SLC25A48: variants seen among roughly 807,000 people sequenced by gnomAD.
The protein encoded by SLC25A48 is CTC-321K16.1.
In SLC25A48, 29 loss-of-function variants were observed where a neutral mutation model predicts 32.2. That is an observed-to-expected ratio of 0.90 (90% CI 0.67 to 1.23). SLC25A48 has a LOEUF of 1.23. SLC25A48 is among the 50% of genes most tolerant of loss of function. The probability of loss-of-function intolerance (pLI) is 0.00; values close to 1 mark genes in which losing one functional copy is unlikely to be tolerated. For synonymous variants in SLC25A48, 164 were observed against 172.3 expected, an observed-to-expected ratio of 0.95 and a Z score of 0.38; for missense variants, 399 against 422.7, an observed-to-expected ratio of 0.94 and a Z score of 0.49.
chr5:135,714,614 T>C (rs930121372), intron 3 of SLC25A48: 1 of 152,234 alleles, frequency 6.6e-6, no homozygotes, highest in African/African-American at 2.4e-5. Flanking sequence ...GTGCCCTGGC[T>C]GCAAAAAGCA....
intron 3 of SLC25A48, chr5:135,742,448 G>A (rs1755521909): frequency 6.5e-7 from 1 of 1,530,770 alleles, no homozygotes; most frequent in African/African-American, 1.4e-5. Flanking sequence ...TGGTTCCTGA[G>A]GTCTCACCTG....
intron 1 of SLC25A48, among the ~76,000 whole-genome samples, chr5:135,613,016 G>C (rs1345542629): frequency 6.6e-6 from 1 of 152,134 alleles, no homozygotes; most frequent in Non-Finnish European, 1.5e-5. Flanking sequence ...TATAGTGCCT[G>C]TACTAACTAA....
rs1052215866 is a variant in SLC25A48 at position 135,850,573 on chromosome 5, C to T, written c.162+77C>T. 69 of 1,413,412 alleles carry T rather than the reference C, an allele frequency of 4.9e-5. No individual in the cohort carries two copies. The East Asian group carries it at 1.6e-3, about 32-fold the overall frequency. 87.6% of individuals were successfully genotyped at this position (1,413,412 alleles called of 1,614,324 possible). ...TGGGGACCAGGGCCACAGCCCCACACCAGCATGCAGGTGGGGGCCTCTCAT... is the reference window on the plus strand; with the variant it reads ...TGGGGACCAGGGCCACAGCCCCACATCAGCATGCAGGTGGGGGCCTCTCAT... On this transcript the variant is annotated intron_variant, in intron 3 of 7. Coordinates refer to ENST00000681962, the MANE Select transcript of SLC25A48 (RefSeq NM_001349336.2).
At chr5:135,870,835 C>T (rs1225415741) in intron 4 of SLC25A48, among the ~76,000 whole-genome samples, 1 of 151,676 alleles carries the variant, frequency 6.6e-6, no homozygotes, top group Non-Finnish European at 1.5e-5. Context: ...GAAAATGCTG[C>T]CTTGCCAAGG....
At chr5:135,692,224 G>A (rs947624598) in intron 3 of SLC25A48, among the ~76,000 whole-genome samples, 4 of 151,548 alleles carry the variant, frequency 2.6e-5, no homozygotes, top group South Asian at 2.1e-4. Flanking sequence ...AGGCTGAGGC[G>A]GGAGAATTGC....
intron 3 of SLC25A48, among the ~76,000 whole-genome samples, chr5:135,777,061 C>T (rs1221451663): frequency 6.6e-6 from 1 of 151,522 alleles, no homozygotes; most frequent in African/African-American, 2.4e-5. Flanking sequence ...ATATTACTCC[C>T]AATATCGCAG....
At chr5:135,815,089 A>G (rs1321275370) in intron 4 of SLC25A48, among the ~76,000 whole-genome samples, 5 of 152,154 alleles carry the variant, frequency 3.3e-5, no homozygotes, top group Non-Finnish European at 5.9e-5. Flanking sequence ...AGGGCCTGCT[A>G]TGGAGATCCT....
At chr5:135,736,791 G>A (rs1363627882) in intron 3 of SLC25A48, among the ~76,000 whole-genome samples, 1 of 152,194 alleles carries the variant, frequency 6.6e-6, no homozygotes, top group Non-Finnish European at 1.5e-5. Flanking sequence ...TGGGTTCACA[G>A]ATAAAACGCA....
intron 3 of SLC25A48, among the ~76,000 whole-genome samples, chr5:135,768,432 A>C (rs764944756): frequency 6.6e-6 from 1 of 151,200 alleles, no homozygotes; most frequent in Non-Finnish European, 1.5e-5. Flanking sequence ...TCGTAAAATT[A>C]AGTAGGTGAG....
chr5:135,802,099 G>C (rs1757344072), intron 3 of SLC25A48, among the ~76,000 whole-genome samples: 1 of 151,704 alleles, frequency 6.6e-6, no homozygotes, highest in Non-Finnish European at 1.5e-5. Context: ...ATATCCAGGG[G>C]AAGAGAAGAT....
Position 135,698,441 on chromosome 5 carries a change from A to G in SLC25A48, c.-521+63485A>G, listed in dbSNP as rs567907593. The stretch of plus-strand genomic sequence containing the variant: ...ACAAAAGTCTTTTCTTAGAACTGAT[A>G]CTATCTTCAGCCTGAAGCTTAAGAA... On this transcript the variant is annotated intron_variant, in intron 3 of 10. Coordinates refer to the SLC25A48 transcript ENST00000646290. Among the ~76,000 whole-genome samples the G allele has an allele frequency of 1.2e-4, 18 of 152,358 alleles. No individual in the cohort carries two copies. In the South Asian group the frequency reaches 3.5e-3, roughly 30 times the overall value.
intron 3 of SLC25A48, among the ~76,000 whole-genome samples, chr5:135,763,788 C>CACACAT (rs1317939879): frequency 3.3e-5 from 5 of 151,754 alleles, no homozygotes; most frequent in Non-Finnish European, 7.4e-5. Context: ...CACACACACA[C>CACACAT]ACGAGAGAGA....
intron 3 of SLC25A48, among the ~76,000 whole-genome samples, chr5:135,636,636 T>G (rs1752713083): frequency 6.6e-6 from 1 of 152,178 alleles, no homozygotes; most frequent in African/African-American, 2.4e-5. Context: ...GGCAGGGGAT[T>G]TAACAGCACC....
intron 3 of SLC25A48, among the ~76,000 whole-genome samples, chr5:135,646,520 T>A (rs1280601012): frequency 3.3e-5 from 5 of 151,964 alleles, no homozygotes; most frequent in Admixed American, 6.6e-5. Flanking sequence ...AGATGAAGAT[T>A]ATAATTGTAG....
chr5:135,873,923 A>G (rs765913695), intron 5 of SLC25A48, 98 bp from the exon 6 acceptor site: 31 of 1,319,142 alleles, frequency 2.4e-5, no homozygotes, highest in Non-Finnish European at 2.7e-5. Context: ...CCCTTCTCCC[A>G]GCTTAATGAA....
At chr5:135,699,401 T>TG (rs1754338216) in intron 3 of SLC25A48, among the ~76,000 whole-genome samples, 2 of 91,790 alleles carry the variant, frequency 2.2e-5, no homozygotes, top group Middle Eastern at 4.9e-3. Context: ...AACATTACGC[T>TG]GGGAAAAAAA....
At chr5:135,789,075 C>G (rs954753104) in intron 3 of SLC25A48, among the ~76,000 whole-genome samples, 1 of 142,150 alleles carries the variant, frequency 7.0e-6, no homozygotes, top group African/African-American at 2.6e-5. Flanking sequence ...CTGTAATATC[C>G]GAGAAGAGAG....
intron 3 of SLC25A48, among the ~76,000 whole-genome samples, chr5:135,803,700 C>T (rs1416690384): frequency 1.3e-5 from 2 of 151,268 alleles, no homozygotes; most frequent in African/African-American, 4.8e-5. Flanking sequence ...TAATATCTCC[C>T]TAGGATATTA....
intron 2 of SLC25A48, 112 bp downstream of exon 2, chr5:135,842,571 A>T: frequency 8.7e-7 from 1 of 1,143,380 alleles, no homozygotes. Flanking sequence ...CCCAGGGCAG[A>T]CTCTCTGTTG....
Sources: allele counts gnomAD v4.1 joint callset (sites outside exome capture counted in the v4.1 genomes callset), GRCh38; gene constraint gnomAD v4.1.1; transcripts MANE v1.5; gene names NCBI Gene and HGNC (gene_info 2026-07-23, HGNC 2026-07-21).